The following ZRANB2 variants were observed in gnomAD, a reference collection of about 807,000 sequenced individuals.
The protein encoded by ZRANB2 is zinc finger Ran-binding domain-containing protein 2.
In ZRANB2, 19 loss-of-function variants were observed where a neutral mutation model predicts 53.4. That is an observed-to-expected ratio of 0.36 (90% CI 0.25 to 0.52). The LOEUF is 0.52. Among genes scored for constraint, ZRANB2 ranks in the 20% least tolerant of loss-of-function variants. ZRANB2 has a pLI of 0.93. For missense variants in ZRANB2, 309 were observed against 401.1 expected (o/e 0.77, Z 1.96); for synonymous variants, 145 against 134.8 (o/e 1.08, Z -0.52).
intron 6 of ZRANB2, 96 bp from the exon 7 acceptor site, chr1:71,071,092 T>C (rs1661585372): frequency 5.0e-6 from 5 of 1,000,568 alleles, no homozygotes; most frequent in Non-Finnish European, 5.4e-6. Flanking sequence ...TCCATATGCA[T>C]ATATCACAGG....
chr1:71,068,344 CTTATT>C (rs1303245720), intron 8 of ZRANB2, among the ~76,000 whole-genome samples: 1 of 152,028 alleles, frequency 6.6e-6, no homozygotes, highest in African/African-American at 2.4e-5. Context: ...ATTTCATTTT[CTTATT>C]TATTTTTTAG....
At position 71,068,298 on chromosome 1, in the gene ZRANB2, CAGTT is replaced by C. The variant is rs556591049; in HGVS notation, c.770+974_770+977del. Reference sequence around the variant, plus strand: ...GCAAATACTTTTACCAAAACAGCCACAGTTAGACTTCAATATGAATTTCCACAAA... The same window carrying C: ...GCAAATACTTTTACCAAAACAGCCACAGACTTCAATATGAATTTCCACAAA... On this transcript the variant is annotated intron_variant, in intron 8 of 9. Coordinates refer to ENST00000370920, the MANE Select transcript of ZRANB2 (RefSeq NM_203350.3). 4.6e-3 allele frequency among the ~76,000 whole-genome samples: 701 copies of C among 152,328 alleles called. 5 individuals carry two copies. The highest frequency in any genetic ancestry group is 8.2e-3 in the Admixed American group (126 of 15,296).
intron 8 of ZRANB2, chr1:71,067,701 T>G: frequency 2.3e-6 from 1 of 428,222 alleles, no homozygotes; most frequent in Non-Finnish European, 4.7e-6. Flanking sequence ...GAGAATTCTT[T>G]GGAAAGTTAC....
At chr1:71,071,425 G>A (rs1224822487) in intron 6 of ZRANB2, among the ~76,000 whole-genome samples, 1 of 152,060 alleles carries the variant, frequency 6.6e-6, no homozygotes, top group Admixed American at 6.6e-5. Flanking sequence ...TGAAACACAG[G>A]ACAGATAAAC....
At chr1:71,079,462 T>C (rs1316441832) in intron 1 of ZRANB2, among the ~76,000 whole-genome samples, 1 of 152,200 alleles carries the variant, frequency 6.6e-6, no homozygotes, top group African/African-American at 2.4e-5. Flanking sequence ...TGCTTAAACT[T>C]TAAAAAGCTG....
In ZRANB2 at chr1:71,076,664, TAACA is replaced by T. The variant is rs1271950993; in HGVS notation, c.301+127_301+130del. Reference sequence around the variant, plus strand: ...GTGTATGGGGGGAAAAAAATCCCAGTAACAAACATTCAGGGCAGAATAAACAGAA... The same window carrying T: ...GTGTATGGGGGGAAAAAAATCCCAGTAACATTCAGGGCAGAATAAACAGAA... On this transcript the variant is annotated intron_variant, in intron 4 of 9. Transcript: ENST00000370920. 9.9e-6 allele frequency: 7 copies of T among 708,118 alleles called. No homozygotes were observed. In the East Asian group the frequency reaches 1.7e-4, roughly 17 times the overall value. 43.9% of individuals were successfully genotyped at this position (708,118 alleles called of 1,614,324 possible).
chr1:71,071,776 C>T (rs898865488), intron 6 of ZRANB2, among the ~76,000 whole-genome samples: 1 of 152,156 alleles, frequency 6.6e-6, no homozygotes, highest in Non-Finnish European at 1.5e-5. Flanking sequence ...GCTCAAACTT[C>T]ACCTCCTTAG....
At chr1:71,072,435 A>G (rs751244690) in intron 5 of ZRANB2, 37 bp downstream of exon 5, 10 of 1,552,680 alleles carry the variant, frequency 6.4e-6, no homozygotes, top group Non-Finnish European at 8.7e-6. Context: ...CTGTTTTTCT[A>G]ATTTATATTC....
In ZRANB2 at chr1:71,074,655, GT is replaced by G. The variant is rs56047754; in HGVS notation, c.302-2108del. On this transcript the variant is annotated intron_variant, in intron 4 of 9. Coordinates refer to ENST00000370920, the MANE Select transcript of ZRANB2 (RefSeq NM_203350.3). ...TGTTTTTATGCCATTATCTTTAATG[GT>G]TTTTTTTTTAAAAAAAAGCTGACAA... Among the ~76,000 whole-genome samples the G allele has an allele frequency of 1.7e-4, 26 of 149,206 alleles. No homozygotes were observed. The South Asian group carries it at 3.0e-3, about 17-fold the overall frequency.
chr1:71,068,757 C>T (rs1424390304), intron 8 of ZRANB2, among the ~76,000 whole-genome samples: 1 of 150,984 alleles, frequency 6.6e-6, no homozygotes, highest in Non-Finnish European at 1.5e-5. Context: ...GAAAATTTTT[C>T]TTTTTATTTA....
intron 2 of ZRANB2, 42 bp from the exon 3 acceptor site, chr1:71,078,607 A>C (rs370140615): frequency 6.2e-7 from 1 of 1,610,018 alleles, no homozygotes; most frequent in Non-Finnish European, 8.5e-7. Flanking sequence ...TGGAGAAATA[A>C]ATAAATGATA....
rs752135414 is a variant in ZRANB2 at position 71,069,311 on chromosome 1, G to A, written c.735C>T (p.Ser245=). 1 of 1,612,492 alleles carries A rather than the reference G, an allele frequency of 6.2e-7. No homozygotes were observed. Among genetic ancestry groups the A allele is most frequent in the Non-Finnish European group, 8.5e-7 (1 of 1,179,218 alleles). Residue 245 remains serine (S), a synonymous_variant, in exon 8 of 10, where the codon TCC becomes TCT. Transcript: ENST00000370920. ...ACCCACGAGATCTCGAACGTTCTCT[G>A]GAACTGGAACGAGATCTTGACTGCG... ...SSSQSRSRSS[S]RERSRSRGSK... is the part of the protein sequence containing the mutation.
rs552298743 is a variant in ZRANB2, at chr1:71,064,656, C to G, written c.*418G>C. On this transcript the variant is annotated 3_prime_UTR_variant, in exon 10 of 10. Coordinates refer to ENST00000370920, the MANE Select transcript of ZRANB2 (RefSeq NM_203350.3). ...GACATCTGTTAACAGCATAAAAAGG[C>G]TGACTTTCTTTTCCATAAGTATGTT... is the stretch of plus-strand genomic sequence containing the variant. 1 of 154,042 alleles carries G rather than the reference C, an allele frequency of 6.5e-6. No homozygotes were observed. Among genetic ancestry groups the G allele is most frequent in the South Asian group, 2.0e-4 (1 of 4,934 alleles). 9.5% of individuals were successfully genotyped at this position (154,042 alleles called of 1,614,324 possible). A position where few individuals can be genotyped will look rare whatever the true frequency, so the allele number is the denominator to read the frequency against.
At chr1:71,078,784 A>G in intron 1 of ZRANB2, 76 bp from the exon 2 acceptor site, 1 of 1,236,716 alleles carries the variant, frequency 8.1e-7, no homozygotes, top group Non-Finnish European at 1.2e-6. Flanking sequence ...CTCACTACAT[A>G]TCTGGAATTC....
chr1:71,069,100 T>A (rs967973038), intron 8 of ZRANB2, among the ~76,000 whole-genome samples, 176 bp downstream of exon 8: 1 of 152,142 alleles, frequency 6.6e-6, no homozygotes, highest in Non-Finnish European at 1.5e-5. Context: ...GGCACACTGC[T>A]GGCAATGGAA....
In ZRANB2 at chr1:71,080,965, C is replaced by G; in HGVS notation, c.31G>C (p.Gly11Arg). The G allele has an allele frequency of 6.2e-7, 1 of 1,614,152 alleles. No homozygotes were observed. Among genetic ancestry groups the G allele is most frequent in the Non-Finnish European group, 8.5e-7 (1 of 1,180,020 alleles). The change falls in exon 1 of 10, where the codon GGG becomes CGG. Residue 11 changes from glycine to arginine, a missense_variant. Gly to Arg is a moderately radical substitution (Grantham distance 125, BLOSUM62 -2). Coordinates refer to ENST00000370920, the MANE Select transcript of ZRANB2 (RefSeq NM_203350.3). Reference sequence around the variant, plus strand: ...TTTTTGTCAGGGCAAATCCAGTCCCCGTCACTGACTCGGAAATTCTTGGTC... The same window carrying G: ...TTTTTGTCAGGGCAAATCCAGTCCCGGTCACTGACTCGGAAATTCTTGGTC... Reference protein sequence around the residue: MSTKNFRVSDGDWICPDKKCG... With the variant: MSTKNFRVSDRDWICPDKKCG...
chr1:71,066,360 G>A (rs1661436561), intron 9 of ZRANB2: 1 of 157,148 alleles, frequency 6.4e-6, no homozygotes, highest in Non-Finnish European at 1.4e-5. Context: ...ATATTTAAAT[G>A]AGGACAGATT....
intron 9 of ZRANB2, 51 bp downstream of exon 9, chr1:71,066,725 C>T (rs374755067): frequency 6.4e-7 from 1 of 1,554,664 alleles, no homozygotes; most frequent in Non-Finnish European, 8.7e-7. Context: ...TTTACTTTAT[C>T]TATTAAACAC....
chr1:71,078,426 G>A, intron 3 of ZRANB2, 31 bp downstream of exon 3: 3 of 1,575,676 alleles, frequency 1.9e-6, no homozygotes, highest in Non-Finnish European at 2.6e-6. Context: ...TATTTTGGAA[G>A]AAAGAGCAGA....
Sources: gnomAD v4.1 joint callset for allele counts (sites outside exome capture counted in the v4.1 genomes callset) on GRCh38, gnomAD v4.1.1 for gene constraint, MANE v1.5 for transcripts, NCBI Gene and HGNC (gene_info 2026-07-23, HGNC 2026-07-21) for gene names.